LINGO2: variants seen among roughly 807,000 people sequenced by gnomAD.
LINGO2 encodes the protein leucine rich repeat and Ig domain containing 2.
LINGO2 carries 14 observed loss-of-function variants against 30.6 expected under a neutral mutation model. The observed-to-expected ratio is 0.46, with a 90% CI of 0.30 to 0.72. The LOEUF (loss-of-function observed/expected upper bound fraction) is 0.72, where lower values mean the gene tolerates loss of function less well. LINGO2 is among the 30% of genes least tolerant of loss of function. LINGO2 has a pLI of 0.07. For synonymous variants in LINGO2, 317 were observed against 288.5 expected, an observed-to-expected ratio of 1.10 and a Z score of -1.00; for missense variants, 729 against 751.7, an observed-to-expected ratio of 0.97 and a Z score of 0.35.
intron 4 of LINGO2, among the ~76,000 whole-genome samples, chr9:28,110,759 G>C (rs987445680): frequency 6.6e-6 from 1 of 152,174 alleles, no homozygotes; most frequent in Admixed American, 6.5e-5. Context: ...AGGCTGTGGA[G>C]AAATAAGAAT....
chr9:28,567,266 A>G (rs534234923), intron 1 of LINGO2, among the ~76,000 whole-genome samples: 28 of 152,272 alleles, frequency 1.8e-4, no homozygotes, highest in African/African-American at 6.5e-4. Context: ...ACTAACTACC[A>G]TTTGACCCAG....
At chr9:28,203,272 A>G (rs1820299220) in intron 4 of LINGO2, among the ~76,000 whole-genome samples, 1 of 152,178 alleles carries the variant, frequency 6.6e-6, no homozygotes, top group African/African-American at 2.4e-5. Flanking sequence ...CTTTTATGTC[A>G]TTCCTAATGT....
At chr9:28,847,032 A>G in the LINGO2 span, among the ~76,000 whole-genome samples, 1 of 145,852 alleles carries the variant, frequency 6.9e-6, no homozygotes, top group Non-Finnish European at 1.5e-5. Flanking sequence ...ACAAGTGGCA[A>G]TATCAGGCCA....
At chr9:29,022,330 A>T in the LINGO2 span, among the ~76,000 whole-genome samples, 16 of 152,324 alleles carry the variant, frequency 1.1e-4, no homozygotes, top group East Asian at 2.5e-3. Context: ...TGCCTACTGC[A>T]GGATTTGCAG....
the LINGO2 span, among the ~76,000 whole-genome samples, chr9:29,209,547 A>C: frequency 6.6e-6 from 1 of 152,166 alleles, no homozygotes; most frequent in African/African-American, 2.4e-5. Context: ...CTTTAGAAGC[A>C]TAACAGAAAA....
chr9:28,126,701 C>T (rs1827245424), intron 4 of LINGO2, among the ~76,000 whole-genome samples: 1 of 152,188 alleles, frequency 6.6e-6, no homozygotes, highest in Non-Finnish European at 1.5e-5. Flanking sequence ...ATTAACAAGC[C>T]AGAGACACAA....
At chr9:29,138,276 G>A in the LINGO2 span, among the ~76,000 whole-genome samples, 94 of 151,916 alleles carry the variant, frequency 6.2e-4, no homozygotes, top group African/African-American at 2.0e-3. Flanking sequence ...TACTTTGCTC[G>A]AAAACTTTTA....
intron 2 of LINGO2, among the ~76,000 whole-genome samples, chr9:28,381,835 A>G (rs1233042403): frequency 4.6e-5 from 7 of 152,064 alleles, no homozygotes; most frequent in Non-Finnish European, 7.4e-5. Context: ...TTTTTGGCCA[A>G]ATCATTAGAA....
At chr9:28,590,300 C>T (rs959321748) in intron 1 of LINGO2, among the ~76,000 whole-genome samples, 3 of 151,988 alleles carry the variant, frequency 2.0e-5, no homozygotes, top group Non-Finnish European at 4.4e-5. Context: ...CCAAAATTGA[C>T]AAATGGGATC....
chr9:27,952,669 T>A (rs1018713390), intron 5 of LINGO2, among the ~76,000 whole-genome samples: 1 of 152,048 alleles, frequency 6.6e-6, no homozygotes, highest in Non-Finnish European at 1.5e-5. Flanking sequence ...GCATTTTAAA[T>A]CAGTGAGAAA....
At chr9:28,306,806 C>T (rs970967857) in intron 3 of LINGO2, among the ~76,000 whole-genome samples, 39 of 152,176 alleles carry the variant, frequency 2.6e-4, no homozygotes, top group Middle Eastern at 6.8e-3. Flanking sequence ...AACACCTCTA[C>T]GCAAATAAAC....
the LINGO2 span, among the ~76,000 whole-genome samples, chr9:28,732,251 G>A: frequency 6.6e-6 from 1 of 151,802 alleles, no homozygotes; most frequent in Non-Finnish European, 1.5e-5. Flanking sequence ...TCGAAGCCCT[G>A]GAATCTCCAA....
At position 28,050,434 on chromosome 9, in the gene LINGO2, A is replaced by G. The variant is rs566414549; in HGVS notation, c.-86-38029T>C. On this transcript the variant is annotated intron_variant, in intron 4 of 5. Coordinates refer to ENST00000379992, the Ensembl canonical transcript of LINGO2. ...TCCTAAGTAAGGGATATTCTGCAAG[A>G]CAATCTAAAAACTCTTCAAAAGCTA... Among the ~76,000 whole-genome samples, 4 of 150,990 alleles carry G rather than the reference A, an allele frequency of 2.6e-5. No homozygotes were observed. In the South Asian group the frequency reaches 8.5e-4, roughly 32 times the overall value.
At chr9:27,970,843 G>A (rs1170552283) in intron 5 of LINGO2, among the ~76,000 whole-genome samples, 1 of 151,568 alleles carries the variant, frequency 6.6e-6, no homozygotes, top group Non-Finnish European at 1.5e-5. Flanking sequence ...ATATAACCAT[G>A]AAAATAAATA....
In LINGO2 at chr9:28,185,269, A is replaced by G. The variant is rs561071465; in HGVS notation, c.-87+109939T>C. 5.3e-5 allele frequency among the ~76,000 whole-genome samples: 8 copies of G among 152,238 alleles called. 1 individual carries two copies. Among genetic ancestry groups the G allele is most frequent in the African/African-American group, 1.9e-4 (8 of 41,550 alleles). On this transcript the variant is annotated intron_variant, in intron 4 of 5. Coordinates refer to ENST00000379992, the Ensembl canonical transcript of LINGO2. ...ATAATTTCTTGCCACATCCATTTTA[A>G]TTTTTTCAATTTTACATAATGCAAG...
intron 4 of LINGO2, among the ~76,000 whole-genome samples, chr9:28,041,537 A>C (rs545850854): frequency 6.6e-6 from 1 of 152,290 alleles, no homozygotes; most frequent in South Asian, 2.1e-4. Flanking sequence ...GCTGACATGG[A>C]AGGCTGATAT....
At chr9:28,024,139 T>A (rs1169792565) in intron 4 of LINGO2, among the ~76,000 whole-genome samples, 1 of 152,204 alleles carries the variant, frequency 6.6e-6, no homozygotes, top group Admixed American at 6.5e-5. Context: ...CTGTGGGAAC[T>A]GCAACTGGAA....
At chr9:27,981,326 G>A (rs764828491) in intron 5 of LINGO2, among the ~76,000 whole-genome samples, 13 of 151,134 alleles carry the variant, frequency 8.6e-5, no homozygotes, top group Non-Finnish European at 1.3e-4. Context: ...TAAGAAAATC[G>A]AGGCAGAAAA....
intron 4 of LINGO2, among the ~76,000 whole-genome samples, chr9:28,062,030 G>A (rs972361738): frequency 1.3e-5 from 2 of 152,120 alleles, no homozygotes; most frequent in African/African-American, 4.8e-5. Flanking sequence ...CTCATTGCCA[G>A]AAGGTTGTTA....
Sources: gnomAD v4.1 joint callset for allele counts (sites outside exome capture counted in the v4.1 genomes callset) on GRCh38, gnomAD v4.1.1 for gene constraint, MANE v1.5 for transcripts, NCBI Gene and HGNC (gene_info 2026-07-23, HGNC 2026-07-21) for gene names.